Variants in GSTCD observed in about 807,000 individuals in gnomAD.
GSTCD encodes glutathione S-transferase C-terminal domain containing.
In GSTCD, 44 loss-of-function variants were observed where a neutral mutation model predicts 68.3. That is an observed-to-expected ratio of 0.64 (90% CI 0.51 to 0.83). The LOEUF is 0.83. Ranked by LOEUF, GSTCD falls within the 40% of genes least tolerant of loss-of-function variation. The pLI is 0.00. For missense variants in GSTCD, 739 were observed against 735.9 expected, an observed-to-expected ratio of 1.00 and a Z score of -0.05; for synonymous variants, 273 against 255.2, an observed-to-expected ratio of 1.07 and a Z score of -0.67.
chr4:105,733,936 T>A (rs935508939), intron 5 of GSTCD, among the ~76,000 whole-genome samples: 7 of 152,198 alleles, frequency 4.6e-5, no homozygotes, highest in African/African-American at 9.7e-5. Context: ...TATTTCTCCT[T>A]CACTTATGAA....
intron 5 of GSTCD, among the ~76,000 whole-genome samples, chr4:105,742,904 G>A (rs116277792): frequency 1.8e-4 from 27 of 150,290 alleles, no homozygotes; most frequent in African/African-American, 5.6e-4. Context: ...GTGTAGAGAC[G>A]GAGGTCACAC....
intron 5 of GSTCD, among the ~76,000 whole-genome samples, chr4:105,775,531 G>A (rs1036942578): frequency 2.6e-5 from 4 of 152,184 alleles, no homozygotes; most frequent in Non-Finnish European, 5.9e-5. Context: ...TGGGGTTTCT[G>A]TGTGGACGTC....
chr4:105,798,144 T>C (rs983021851), intron 5 of GSTCD, among the ~76,000 whole-genome samples: 3 of 152,158 alleles, frequency 2.0e-5, no homozygotes, highest in African/African-American at 7.2e-5. Flanking sequence ...ACCACTTTTT[T>C]TGCTCATCCA....
Position 105,732,044 on chromosome 4 carries a change from T to C in GSTCD, c.1240+2545T>C, listed in dbSNP as rs541876961. Among the ~76,000 whole-genome samples the C allele has an allele frequency of 9.6e-4, 146 of 152,350 alleles. 1 individual carries two copies. The highest frequency in any genetic ancestry group is 4.6e-3 in the Admixed American group (70 of 15,298). On this transcript the variant is annotated intron_variant, in intron 5 of 11. Coordinates refer to ENST00000515279, the MANE Select transcript of GSTCD (RefSeq NM_001370181.1). The stretch of plus-strand genomic sequence containing the variant: ...AGCCTTGCATCCCAGGGATTAAGCC[T>C]ACTTGATCATGGTGGATAAGCTCTT...
chr4:105,742,944 T>TTC (rs1419948870), intron 5 of GSTCD, among the ~76,000 whole-genome samples: 3 of 151,392 alleles, frequency 2.0e-5, no homozygotes, highest in East Asian at 3.9e-4. Context: ...CTTTTGTAAT[T>TTC]TCTCTCTCTT....
chr4:105,767,106 G>T (rs1365216249), intron 5 of GSTCD, among the ~76,000 whole-genome samples: 7 of 151,960 alleles, frequency 4.6e-5, no homozygotes, highest in African/African-American at 1.7e-4. Flanking sequence ...CTTATGGATG[G>T]ACAGAAAAAA....
chr4:105,808,376 T>C (rs183681758), intron 5 of GSTCD, among the ~76,000 whole-genome samples: 2 of 152,192 alleles, frequency 1.3e-5, no homozygotes, highest in Admixed American at 1.3e-4. Context: ...CATCAGTCCA[T>C]CAGCAAATTC....
At chr4:105,836,736 A>G (rs947285461) in intron 9 of GSTCD, among the ~76,000 whole-genome samples, 3 of 152,186 alleles carry the variant, frequency 2.0e-5, no homozygotes, top group Non-Finnish European at 2.9e-5. Context: ...CCTTTACAGT[A>G]TGTTACTACC....
intron 5 of GSTCD, chr4:105,821,282 G>T (rs1723280381): frequency 6.6e-6 from 1 of 151,768 alleles, no homozygotes; most frequent in Non-Finnish European, 1.5e-5. Flanking sequence ...AGTTGTTAAT[G>T]GTAGAATCTA....
intron 5 of GSTCD, among the ~76,000 whole-genome samples, chr4:105,771,963 G>T (rs913833744): frequency 7.9e-5 from 12 of 152,162 alleles, no homozygotes; most frequent in Non-Finnish European, 1.0e-4. Flanking sequence ...ACTTTGGGCA[G>T]TATGGCCATT....
chr4:105,824,614 C>T (rs942334027), intron 7 of GSTCD, among the ~76,000 whole-genome samples: 1 of 152,188 alleles, frequency 6.6e-6, no homozygotes, highest in African/African-American at 2.4e-5. Flanking sequence ...ACCATCTTCT[C>T]TGCCTAGATT....
intron 5 of GSTCD, among the ~76,000 whole-genome samples, chr4:105,760,167 CAAAAA>C (rs34613169): frequency 7.4e-6 from 1 of 135,872 alleles, no homozygotes; most frequent in African/African-American, 2.8e-5. Context: ...AAAAAATAGG[CAAAAA>C]AAAAAAAAAA....
At chr4:105,730,613 T>A (rs1304134538) in intron 5 of GSTCD, among the ~76,000 whole-genome samples, 1 of 152,272 alleles carries the variant, frequency 6.6e-6, no homozygotes, top group Admixed American at 6.5e-5. Flanking sequence ...TGTAAATTTG[T>A]TTGAGTTCAT....
chr4:105,814,269 C>T (rs1450990866), intron 5 of GSTCD, among the ~76,000 whole-genome samples: 1 of 152,178 alleles, frequency 6.6e-6, no homozygotes, highest in Admixed American at 6.5e-5. Flanking sequence ...CTCTGCCTAG[C>T]CCTTTGTATC....
At chr4:105,795,447 T>C (rs1288509111) in intron 5 of GSTCD, among the ~76,000 whole-genome samples, 4 of 152,086 alleles carry the variant, frequency 2.6e-5, no homozygotes, top group Admixed American at 1.3e-4. Flanking sequence ...ACAGTTTTTG[T>C]TGCATTGTGA....
rs534910420 is a variant in GSTCD, at chr4:105,783,099, C to G, written c.1241-39855C>G. 2.6e-5 allele frequency among the ~76,000 whole-genome samples: 4 copies of G among 152,200 alleles called. No homozygotes were observed. The East Asian group carries it at 7.7e-4, about 29-fold the overall frequency. On this transcript the variant is annotated intron_variant, in intron 5 of 11. Transcript: ENST00000515279. ...ATTTGTTCGAATTTGACCTTTCTTC[C>G]TCCTAGAGGCATAAATTTGGGCTGA...
intron 5 of GSTCD, among the ~76,000 whole-genome samples, chr4:105,743,171 C>A (rs542374258): frequency 6.6e-6 from 1 of 151,948 alleles, no homozygotes; most frequent in African/African-American, 2.4e-5. Flanking sequence ...AGGATGGTCT[C>A]GATCTCCTGA....
At chr4:105,784,448 G>A (rs1395125627) in intron 5 of GSTCD, among the ~76,000 whole-genome samples, 2 of 152,146 alleles carry the variant, frequency 1.3e-5, no homozygotes, top group Non-Finnish European at 2.9e-5. Context: ...CCATTCATGA[G>A]GGCAGAGCCC....
intron 5 of GSTCD, among the ~76,000 whole-genome samples, chr4:105,778,558 G>A (rs1178212744): frequency 6.6e-6 from 1 of 151,986 alleles, no homozygotes; most frequent in Non-Finnish European, 1.5e-5. Context: ...GGATTATCAT[G>A]CCATTTTTTT....
Sources: allele counts gnomAD v4.1 joint callset (sites outside exome capture counted in the v4.1 genomes callset), GRCh38; gene constraint gnomAD v4.1.1; transcripts MANE v1.5; gene names NCBI Gene and HGNC (gene_info 2026-07-23, HGNC 2026-07-21).